Variants in UBAP1 observed in about 807,000 individuals in gnomAD.
UBAP1 encodes ubiquitin associated protein 1.
A neutral mutation model predicts 39.0 loss-of-function variants in UBAP1; 5 were observed. That is an observed-to-expected ratio of 0.13 (90% CI 0.07 to 0.27). The LOEUF (loss-of-function observed/expected upper bound fraction) is 0.27, where lower values mean the gene tolerates loss of function less well. Ranked by LOEUF, UBAP1 falls within the 10% of genes least tolerant of loss-of-function variation. The pLI is 1.00. For missense variants in UBAP1, 490 were observed against 608.1 expected (o/e 0.81, Z 2.04); for synonymous variants, 211 against 225.1 (o/e 0.94, Z 0.56).
chr9:34,218,815 A>G (rs1171734533), intron 1 of UBAP1, among the ~76,000 whole-genome samples: 1 of 152,148 alleles, frequency 6.6e-6, no homozygotes, highest in Non-Finnish European at 1.5e-5. Context: ...ACACTCCTGT[A>G]ATCCCAGCTA....
intron 2 of UBAP1, among the ~76,000 whole-genome samples, chr9:34,222,500 G>T (rs988934341): frequency 2.6e-5 from 4 of 152,072 alleles, no homozygotes; most frequent in Non-Finnish European, 5.9e-5. Context: ...ATAGTAGAAA[G>T]GCAGATCTGG....
chr9:34,237,267 C>G (rs560179870), intron 3 of UBAP1, among the ~76,000 whole-genome samples: 4 of 152,268 alleles, frequency 2.6e-5, no homozygotes, highest in Admixed American at 2.0e-4. Context: ...TCACTGCCCT[C>G]AAGGTACTTA....
At chr9:34,218,489 C>T (rs1013868558) in intron 1 of UBAP1, among the ~76,000 whole-genome samples, 1 of 145,398 alleles carries the variant, frequency 6.9e-6, no homozygotes, top group Non-Finnish European at 1.5e-5. Context: ...AAATGAAACA[C>T]TAATTTTCTG....
At chr9:34,224,503 G>A (rs1182980799) in intron 2 of UBAP1, 1 of 390,282 alleles carries the variant, frequency 2.6e-6, no homozygotes. Context: ...CTGTGTGGAC[G>A]TGGCAGGGGC....
At chr9:34,224,156 C>A in intron 2 of UBAP1, 1 of 644,394 alleles carries the variant, frequency 1.6e-6, no homozygotes, top group Non-Finnish European at 2.6e-6. Flanking sequence ...CTTTTTTTTT[C>A]CTTTCATCGA....
chr9:34,193,039 G>A (rs1830820618), intron 1 of UBAP1, among the ~76,000 whole-genome samples: 1 of 152,144 alleles, frequency 6.6e-6, no homozygotes, highest in South Asian at 2.1e-4. Context: ...AGGCGCAGTG[G>A]CCCACGTCTG....
chr9:34,181,111 G>GTTTTATT (rs1563879456), intron 1 of UBAP1, among the ~76,000 whole-genome samples: 7 of 35,302 alleles, frequency 2.0e-4, no homozygotes, highest in East Asian at 1.1e-3. Flanking sequence ...CACCCGGCCT[G>GTTTTATT]TTTTCTTTTT....
chr9:34,233,076 T>C (rs368875840), intron 2 of UBAP1, among the ~76,000 whole-genome samples: 15 of 152,172 alleles, frequency 9.9e-5, no homozygotes, highest in African/African-American at 3.6e-4. Context: ...AGCAGCTCCA[T>C]TGTGTATGGC....
intron 5 of UBAP1, 21 bp downstream of exon 5, chr9:34,249,982 G>A: frequency 6.2e-7 from 1 of 1,612,672 alleles, no homozygotes. Flanking sequence ...GGTCAGCCAG[G>A]AGGGCAGGCT....
At position 34,251,119 on chromosome 9, in the gene UBAP1, GT is replaced by G. The variant is rs747865698; in HGVS notation, c.1369-272del. ...ATCCTTCCTTGGTGGGAAGATGGAT[GT>G]GGGTGGTGGGACCCAGACAGAGCTC... is the stretch of plus-strand genomic sequence containing the variant. On this transcript the variant is annotated intron_variant, in intron 6 of 6. Transcript: ENST00000297661. Among the ~76,000 whole-genome samples, 10 of 152,354 alleles carry G rather than the reference GT, an allele frequency of 6.6e-5. No homozygotes were observed. The South Asian group carries it at 2.1e-3, about 32-fold the overall frequency.
chr9:34,229,105 G>C (rs1436980113), intron 2 of UBAP1, among the ~76,000 whole-genome samples: 1 of 152,084 alleles, frequency 6.6e-6, no homozygotes, highest in Non-Finnish European at 1.5e-5. Flanking sequence ...AAGGGAAACG[G>C]CAGCCCTTTA....
At chr9:34,215,276 AGTGTGT>A (rs889510369) in intron 1 of UBAP1, among the ~76,000 whole-genome samples, 2 of 151,484 alleles carry the variant, frequency 1.3e-5, no homozygotes, top group Non-Finnish European at 2.9e-5. Context: ...TATATATGAT[AGTGTGT>A]GTGTGTGTAT....
At chr9:34,234,160 G>C (rs1382000587) in intron 2 of UBAP1, 56 bp from the exon 3 acceptor site, 27 of 1,545,774 alleles carry the variant, frequency 1.7e-5, no homozygotes, top group Middle Eastern at 1.8e-4. Context: ...TAAGATTATG[G>C]CAAAACAAAT....
intron 3 of UBAP1, among the ~76,000 whole-genome samples, chr9:34,235,087 A>G (rs1490244984): frequency 1.3e-5 from 2 of 152,130 alleles, no homozygotes; most frequent in Non-Finnish European, 2.9e-5. Context: ...GAAGTTTAAA[A>G]AGTAAAAAAA....
chr9:34,183,590 A>T (rs1373979651), intron 1 of UBAP1, among the ~76,000 whole-genome samples: 3 of 151,370 alleles, frequency 2.0e-5, no homozygotes, highest in African/African-American at 7.3e-5. Context: ...CCTTTTTTCT[A>T]ACAATTAAAA....
chr9:34,182,659 C>A (rs1830129470), intron 1 of UBAP1, among the ~76,000 whole-genome samples: 2 of 55,206 alleles, frequency 3.6e-5, no homozygotes, highest in Non-Finnish European at 9.9e-5. Context: ...TTCTTTCTTT[C>A]TTTCTTTCTT....
At chr9:34,188,061 C>T (rs1161508782) in intron 1 of UBAP1, among the ~76,000 whole-genome samples, 2 of 147,924 alleles carry the variant, frequency 1.4e-5, no homozygotes, top group Non-Finnish European at 3.0e-5. Context: ...AGTATTTGAT[C>T]TGGGCGAGGA....
At chr9:34,232,512 A>G (rs1470899514) in intron 2 of UBAP1, among the ~76,000 whole-genome samples, 5 of 152,164 alleles carry the variant, frequency 3.3e-5, no homozygotes, top group Admixed American at 6.5e-5. Context: ...CGATAGTTCA[A>G]ATGTTTTAGT....
chr9:34,212,392 AAC>A (rs35251034), intron 1 of UBAP1, among the ~76,000 whole-genome samples: 25,462 of 142,122 alleles, frequency 0.18, 2,345 homozygotes, highest in Non-Finnish European at 0.2. Flanking sequence ...TTTCTATTAA[AAC>A]ACACACACAC....
Sources: gnomAD v4.1 joint callset for allele counts (sites outside exome capture counted in the v4.1 genomes callset) on GRCh38, gnomAD v4.1.1 for gene constraint, MANE v1.5 for transcripts, NCBI Gene and HGNC (gene_info 2026-07-23, HGNC 2026-07-21) for gene names.